The following ATXN7L1 variants were observed in gnomAD, a reference collection of about 807,000 sequenced individuals.
The protein encoded by ATXN7L1 is ataxin-7-like protein 1.
Under a neutral mutation model 70.8 loss-of-function variants are expected in ATXN7L1, and 15 were observed. The ratio of observed to expected loss-of-function variants is 0.21; its 90% CI spans 0.14 to 0.33. ATXN7L1 has a LOEUF of 0.33. Among genes scored for constraint, ATXN7L1 ranks in the 10% least tolerant of loss-of-function variants. The pLI is 1.00. For missense variants in ATXN7L1, 975 were observed against 1,097.1 expected, an observed-to-expected ratio of 0.89 and a Z score of 1.57; for synonymous variants, 440 against 445.1, an observed-to-expected ratio of 0.99 and a Z score of 0.14.
At chr7:105,681,818 T>C (rs1805593733) in intron 3 of ATXN7L1, among the ~76,000 whole-genome samples, 1 of 152,126 alleles carries the variant, frequency 6.6e-6, no homozygotes, top group Non-Finnish European at 1.5e-5. Flanking sequence ...TTACATGAGG[T>C]GCTCGAGATA....
At chr7:105,779,504 T>C (rs1803234294) in intron 3 of ATXN7L1, among the ~76,000 whole-genome samples, 1 of 152,238 alleles carries the variant, frequency 6.6e-6, no homozygotes, top group Non-Finnish European at 1.5e-5. Flanking sequence ...TCGGTTGTAA[T>C]GCTTGATTTA....
intron 3 of ATXN7L1, among the ~76,000 whole-genome samples, chr7:105,776,733 G>C (rs1263908841): frequency 1.3e-5 from 2 of 152,104 alleles, no homozygotes; most frequent in Non-Finnish European, 2.9e-5. Flanking sequence ...GGGATTGGAG[G>C]AGTGCTTCCT....
At chr7:105,630,533 G>A (rs944455123) in intron 7 of ATXN7L1, among the ~76,000 whole-genome samples, 10 of 151,990 alleles carry the variant, frequency 6.6e-5, no homozygotes, top group Non-Finnish European at 1.2e-4. Context: ...TCCAGTCTGG[G>A]CAACATGGTG....
chr7:105,662,840 T>C (rs113721820), intron 4 of ATXN7L1, among the ~76,000 whole-genome samples: 2 of 152,210 alleles, frequency 1.3e-5, no homozygotes, highest in African/African-American at 4.8e-5. Flanking sequence ...CATGATAACA[T>C]AGTAATAATA....
At chr7:105,747,571 T>C (rs1727147020) in intron 3 of ATXN7L1, among the ~76,000 whole-genome samples, 1 of 152,174 alleles carries the variant, frequency 6.6e-6, no homozygotes, top group Admixed American at 6.5e-5. Flanking sequence ...CTCTGGCAAA[T>C]TAATTGAACC....
intron 2 of ATXN7L1, among the ~76,000 whole-genome samples, chr7:105,852,677 A>AAGCATC (rs1356752831): frequency 6.6e-6 from 1 of 151,502 alleles, no homozygotes; most frequent in Non-Finnish European, 1.5e-5. Context: ...GGAAGGACTG[A>AAGCATC]AGCATCATCC....
rs754345541 is a variant in ATXN7L1 at position 105,619,731 on chromosome 7, A to AT, written c.1517+468dup. ...TACACCCAGCTAATTTTTAAAAATT[A>AT]TTTTTTGTAGAGATGGGGGTCTTGC... On this transcript the variant is annotated intron_variant, in intron 9 of 11. Transcript: ENST00000419735. 2.9e-4 allele frequency among the ~76,000 whole-genome samples: 44 copies of AT among 150,856 alleles called. 2 individuals carry two copies. Among genetic ancestry groups the AT allele is most frequent in the Admixed American group, 1.5e-3 (22 of 15,092 alleles).
chr7:105,830,521 G>C (rs1393848042), intron 2 of ATXN7L1, among the ~76,000 whole-genome samples: 1 of 152,246 alleles, frequency 6.6e-6, no homozygotes, highest in Non-Finnish European at 1.5e-5. Context: ...TACCTAACGT[G>C]TGATTTGGCA....
At chr7:105,843,743 G>C (rs544442008) in intron 2 of ATXN7L1, among the ~76,000 whole-genome samples, 1 of 152,342 alleles carries the variant, frequency 6.6e-6, no homozygotes, top group South Asian at 2.1e-4. Context: ...GCCTTCTCAA[G>C]AGACAGGAGA....
chr7:105,777,786 C>T (rs1413974338), intron 3 of ATXN7L1, among the ~76,000 whole-genome samples: 1 of 152,196 alleles, frequency 6.6e-6, no homozygotes, highest in African/African-American at 2.4e-5. Flanking sequence ...TCACTCAATA[C>T]CCCCCAGTGT....
chr7:105,809,377 GCT>G (rs1260974614), intron 2 of ATXN7L1, among the ~76,000 whole-genome samples: 1 of 152,136 alleles, frequency 6.6e-6, no homozygotes, highest in African/African-American at 2.4e-5. Flanking sequence ...AACTGACTCA[GCT>G]TGCACTACTG....
chr7:105,798,567 C>T (rs1426070706), intron 2 of ATXN7L1, among the ~76,000 whole-genome samples: 2 of 152,232 alleles, frequency 1.3e-5, no homozygotes, highest in African/African-American at 4.8e-5. Context: ...AATAACTGTG[C>T]AAAGGGCTCC....
chr7:105,687,086 A>C (rs1790018060), intron 3 of ATXN7L1, among the ~76,000 whole-genome samples: 1 of 152,244 alleles, frequency 6.6e-6, no homozygotes, highest in African/African-American at 2.4e-5. Flanking sequence ...AAGCTAATTC[A>C]GACTTTCATA....
intron 3 of ATXN7L1, among the ~76,000 whole-genome samples, chr7:105,758,329 T>C (rs1291153700): frequency 6.6e-6 from 1 of 152,218 alleles, no homozygotes; most frequent in Non-Finnish European, 1.5e-5. Context: ...TTAATCCTCA[T>C]ACCACCTCTC....
chr7:105,864,314 C>T (rs1473613000), intron 2 of ATXN7L1, among the ~76,000 whole-genome samples: 1 of 151,426 alleles, frequency 6.6e-6, no homozygotes, highest in Non-Finnish European at 1.5e-5. Context: ...AAAAATTAGG[C>T]AGGCATGGCA....
intron 2 of ATXN7L1, among the ~76,000 whole-genome samples, chr7:105,838,096 G>A (rs1361727699): frequency 2.6e-5 from 4 of 152,092 alleles, no homozygotes; most frequent in Admixed American, 6.5e-5. Context: ...ACAATAAAGC[G>A]CAATATGTGA....
chr7:105,796,002 G>C (rs1805934950), intron 2 of ATXN7L1, among the ~76,000 whole-genome samples: 1 of 152,130 alleles, frequency 6.6e-6, no homozygotes, highest in South Asian at 2.1e-4. Flanking sequence ...GAAAAAAATT[G>C]GGGCTGTATT....
chr7:105,729,564 G>A (rs1796296756), intron 3 of ATXN7L1, among the ~76,000 whole-genome samples: 2 of 151,240 alleles, frequency 1.3e-5, no homozygotes, highest in Non-Finnish European at 2.9e-5. Context: ...CACGTAGTTA[G>A]GATTACAGAC....
At chr7:105,667,974 T>G (rs1802915812) in intron 3 of ATXN7L1, among the ~76,000 whole-genome samples, 1 of 152,204 alleles carries the variant, frequency 6.6e-6, no homozygotes, top group Non-Finnish European at 1.5e-5. Flanking sequence ...TTGCTATTAC[T>G]TACTCAAAGC....
Sources: allele counts gnomAD v4.1 joint callset (sites outside exome capture counted in the v4.1 genomes callset), GRCh38; gene constraint gnomAD v4.1.1; transcripts MANE v1.5; gene names NCBI Gene and HGNC (gene_info 2026-07-23, HGNC 2026-07-21).